Variants in NALCN observed in about 807,000 individuals in gnomAD.
The protein encoded by NALCN is sodium leak channel NALCN.
Under a neutral mutation model 225.3 loss-of-function variants are expected in NALCN, and 111 were observed. That is an observed-to-expected ratio of 0.49 (90% CI 0.42 to 0.58). NALCN has a LOEUF of 0.58. Ranked by LOEUF, NALCN falls within the 20% of genes least tolerant of loss-of-function variation. NALCN has a pLI of 0.00. For synonymous variants in NALCN, 764 were observed against 769.0 expected, an observed-to-expected ratio of 0.99 and a Z score of 0.11; for missense variants, 1,378 against 2,202.4, an observed-to-expected ratio of 0.63 and a Z score of 7.49.
At chr13:101,178,230 C>T (rs572327097) in intron 14 of NALCN, among the ~76,000 whole-genome samples, 36 of 152,266 alleles carry the variant, frequency 2.4e-4, no homozygotes, top group South Asian at 6.2e-4. Context: ...CTGCTGGTTT[C>T]CTTCTGCAGG....
chr13:101,226,560 G>A (rs959971173), intron 13 of NALCN, among the ~76,000 whole-genome samples: 5 of 152,196 alleles, frequency 3.3e-5, no homozygotes, highest in Non-Finnish European at 7.3e-5. Context: ...CAGACCCAGA[G>A]AAGGTGGGCC....
chr13:101,206,003 C>G (rs2040298633), intron 13 of NALCN, among the ~76,000 whole-genome samples: 1 of 151,996 alleles, frequency 6.6e-6, no homozygotes, highest in Non-Finnish European at 1.5e-5. Context: ...AAATAGAAAG[C>G]AGCTTTGGTC....
At chr13:101,085,351 A>G (rs1043152834) in intron 30 of NALCN, among the ~76,000 whole-genome samples, 8 of 152,104 alleles carry the variant, frequency 5.3e-5, no homozygotes, top group Non-Finnish European at 1.0e-4. Flanking sequence ...GATGAAATCC[A>G]TAACTACTCC....
At chr13:101,351,151 T>C (rs1447115463) in intron 6 of NALCN, among the ~76,000 whole-genome samples, 1 of 152,202 alleles carries the variant, frequency 6.6e-6, no homozygotes, top group Non-Finnish European at 1.5e-5. Flanking sequence ...CTACCATTAT[T>C]TAAATCTATG....
At chr13:101,338,949 C>T (rs763314566) in intron 7 of NALCN, among the ~76,000 whole-genome samples, 4 of 152,210 alleles carry the variant, frequency 2.6e-5, no homozygotes, top group Non-Finnish European at 4.4e-5. Flanking sequence ...CTCTCAGATC[C>T]CCACCTGTGT....
At chr13:101,074,043 GA>G (rs1216580993) in intron 36 of NALCN, among the ~76,000 whole-genome samples, 3 of 151,550 alleles carry the variant, frequency 2.0e-5, no homozygotes, top group Admixed American at 6.6e-5. Context: ...ATCAGGACTT[GA>G]AAAAAAATGA....
chr13:101,136,709 G>A (rs942656443), intron 17 of NALCN, among the ~76,000 whole-genome samples: 5 of 152,138 alleles, frequency 3.3e-5, no homozygotes, highest in African/African-American at 1.2e-4. Flanking sequence ...TATCATTGAT[G>A]GACATTTGGG....
At chr13:101,211,776 A>G in intron 13 of NALCN, among the ~76,000 whole-genome samples, 1 of 151,966 alleles carries the variant, frequency 6.6e-6, no homozygotes, top group Non-Finnish European at 1.5e-5. Flanking sequence ...ACTCAATTTT[A>G]TGAAACTGTG....
At chr13:101,183,986 T>C (rs1368216395) in intron 14 of NALCN, among the ~76,000 whole-genome samples, 1 of 152,220 alleles carries the variant, frequency 6.6e-6, no homozygotes, top group Non-Finnish European at 1.5e-5. Context: ...TTAACAGGTC[T>C]ATAGCGTTTG....
chr13:101,337,654 G>A (rs1203281204), intron 7 of NALCN, among the ~76,000 whole-genome samples: 2 of 152,184 alleles, frequency 1.3e-5, no homozygotes, highest in Non-Finnish European at 2.9e-5. Context: ...TTCAGGACAA[G>A]AGGGAGGTCA....
intron 28 of NALCN, among the ~76,000 whole-genome samples, chr13:101,090,466 C>T (rs2034174384): frequency 6.6e-6 from 1 of 152,172 alleles, no homozygotes; most frequent in African/African-American, 2.4e-5. Context: ...AATTTAGTCA[C>T]TTTATTTCAC....
chr13:101,058,639 T>TTCACATC (rs2031553422), intron 42 of NALCN: 1 of 151,180 alleles, frequency 6.6e-6, no homozygotes, highest in African/African-American at 2.5e-5. Flanking sequence ...AGCCTTGGTC[T>TTCACATC]TCACATCTCT....
intron 15 of NALCN, among the ~76,000 whole-genome samples, chr13:101,148,156 T>C (rs1386924948): frequency 6.6e-6 from 1 of 152,114 alleles, no homozygotes; most frequent in Non-Finnish European, 1.5e-5. Flanking sequence ...CACTAGATCA[T>C]TAGCTTAACA....
At chr13:101,056,237 G>A (rs2031230307) in intron 43 of NALCN, among the ~76,000 whole-genome samples, 1 of 143,040 alleles carries the variant, frequency 7.0e-6, no homozygotes, top group Non-Finnish European at 1.5e-5. Flanking sequence ...GCATGGACCA[G>A]TGGAAGTACT....
intron 6 of NALCN, among the ~76,000 whole-genome samples, chr13:101,366,830 T>C (rs1265139309): frequency 6.6e-6 from 1 of 152,184 alleles, no homozygotes; most frequent in Non-Finnish European, 1.5e-5. Context: ...CGCATTATTA[T>C]TGACCATTGT....
intron 6 of NALCN, among the ~76,000 whole-genome samples, chr13:101,372,647 A>G (rs2139405531): frequency 6.6e-6 from 1 of 152,298 alleles, no homozygotes; most frequent in East Asian, 1.9e-4. Flanking sequence ...AATAATAAAA[A>G]TACAACATAT....
intron 3 of NALCN, among the ~76,000 whole-genome samples, chr13:101,387,923 C>A (rs996102472): frequency 6.6e-6 from 1 of 152,042 alleles, no homozygotes; most frequent in Non-Finnish European, 1.5e-5. Flanking sequence ...TTTAATGTGA[C>A]AAAGGACATT....
intron 41 of NALCN, 72 bp downstream of exon 41, chr13:101,061,896 T>C: frequency 6.8e-7 from 1 of 1,470,832 alleles, no homozygotes; most frequent in South Asian, 1.3e-5. Context: ...ACGAAGCTCT[T>C]TTCTTTCATC....
intron 10 of NALCN, among the ~76,000 whole-genome samples, chr13:101,271,389 A>C (rs912808643): frequency 6.6e-6 from 1 of 152,028 alleles, no homozygotes; most frequent in Admixed American, 6.6e-5. Context: ...TGTTTAGTTT[A>C]TTTGGCCACT....
Sources: gnomAD v4.1 joint callset for allele counts (sites outside exome capture counted in the v4.1 genomes callset) on GRCh38, gnomAD v4.1.1 for gene constraint, MANE v1.5 for transcripts, NCBI Gene and HGNC (gene_info 2026-07-23, HGNC 2026-07-21) for gene names.